Variants in HMBOX1 observed in about 807,000 individuals in gnomAD.
HMBOX1 encodes the protein homeobox-containing protein 1.
A neutral mutation model predicts 54.5 loss-of-function variants in HMBOX1; 14 were observed. The ratio of observed to expected loss-of-function variants is 0.26; its 90% CI spans 0.17 to 0.40. The LOEUF is 0.40. Among genes scored for constraint, HMBOX1 ranks in the 10% least tolerant of loss-of-function variants. The pLI is 1.00. For synonymous variants in HMBOX1, 160 were observed against 181.0 expected (o/e 0.88, Z 0.93); for missense variants, 332 against 514.4 (o/e 0.65, Z 3.43).
chr8:28,958,567 A>G (rs1029867256), intron 1 of HMBOX1, among the ~76,000 whole-genome samples: 9 of 152,164 alleles, frequency 5.9e-5, no homozygotes, highest in Admixed American at 5.9e-4. Context: ...TCCTCTCCGT[A>G]ATCTCTGTAG....
At chr8:28,939,137 A>G (rs1820904906) in intron 1 of HMBOX1, among the ~76,000 whole-genome samples, 1 of 152,090 alleles carries the variant, frequency 6.6e-6, no homozygotes, top group South Asian at 2.1e-4. Flanking sequence ...TAAATACAAA[A>G]AATTAGCTGG....
chr8:28,980,952 C>G (rs944996848), intron 4 of HMBOX1, among the ~76,000 whole-genome samples: 4 of 152,178 alleles, frequency 2.6e-5, no homozygotes, highest in Non-Finnish European at 5.9e-5. Flanking sequence ...CTTTTGTTAA[C>G]ATTCTACTAG....
At chr8:28,998,148 A>G (rs1295903080) in intron 4 of HMBOX1, among the ~76,000 whole-genome samples, 2 of 152,134 alleles carry the variant, frequency 1.3e-5, no homozygotes, top group African/African-American at 4.8e-5. Flanking sequence ...TTTTTCCTAC[A>G]ATTATGTTCG....
chr8:28,955,078 A>T (rs1362599402), intron 1 of HMBOX1, among the ~76,000 whole-genome samples: 2 of 152,158 alleles, frequency 1.3e-5, no homozygotes, highest in Non-Finnish European at 2.9e-5. Flanking sequence ...ATATTTTGAC[A>T]GTTCTAGTCC....
intron 1 of HMBOX1, among the ~76,000 whole-genome samples, chr8:28,956,542 GTTT>G (rs138197505): frequency 2.6e-5 from 4 of 151,858 alleles, no homozygotes; most frequent in African/African-American, 7.2e-5. Context: ...ATGATAACCA[GTTT>G]TTTTATTATA....
rs1361134199 is a variant in HMBOX1, at chr8:29,005,848, G to A, written c.587-3224G>A. Among the ~76,000 whole-genome samples the A allele has an allele frequency of 3.9e-5, 6 of 152,196 alleles. No homozygotes were observed. In the East Asian group the frequency reaches 7.7e-4, roughly 20 times the overall value. On this transcript the variant is annotated intron_variant, in intron 4 of 9. Coordinates refer to ENST00000287701, the MANE Select transcript of HMBOX1 (RefSeq NM_001135726.3). Reference sequence around the variant, plus strand: ...ATAGTTATGTATGGCTTTTGTGTATGTGTGTCTGTGTTATAGGTTTTTCAG... The same window carrying A: ...ATAGTTATGTATGGCTTTTGTGTATATGTGTCTGTGTTATAGGTTTTTCAG...
intron 9 of HMBOX1, chr8:29,050,802 C>CT: frequency 1.9e-6 from 1 of 525,898 alleles, no homozygotes. Flanking sequence ...ATTTTTTGTG[C>CT]TTTTTACTTG....
chr8:28,899,120 G>C (rs999822473), intron 1 of HMBOX1, among the ~76,000 whole-genome samples: 17 of 152,208 alleles, frequency 1.1e-4, no homozygotes, highest in African/African-American at 3.9e-4. Flanking sequence ...AGTCACCTCA[G>C]GCAAACCAGA....
chr8:28,974,898 G>A lies in HMBOX1; in HGVS notation c.500+4379G>A, dbSNP rs914762737. Among the ~76,000 whole-genome samples, 66 of 152,138 alleles carry A rather than the reference G, an allele frequency of 4.3e-4. 1 individual carries two copies. Among genetic ancestry groups the A allele is most frequent in the African/African-American group, 1.3e-3 (54 of 41,428 alleles). ...TAAGAGATCCTAAAGAATGTGCAGT[G>A]TATATTAACTATGAAAATATGGAAG... On this transcript the variant is annotated intron_variant, in intron 3 of 9. Transcript: ENST00000287701.
intron 1 of HMBOX1, among the ~76,000 whole-genome samples, chr8:28,941,156 C>G (rs969494424): frequency 6.6e-6 from 1 of 152,110 alleles, no homozygotes; most frequent in Non-Finnish European, 1.5e-5. Flanking sequence ...TCTATGGTTT[C>G]AGCACAAACT....
At chr8:28,943,473 C>T (rs1821835514) in intron 1 of HMBOX1, among the ~76,000 whole-genome samples, 1 of 152,294 alleles carries the variant, frequency 6.6e-6, no homozygotes, top group Admixed American at 6.5e-5. Flanking sequence ...CTCTCAGGCT[C>T]TGGTGATAAG....
chr8:28,956,867 A>G (rs1824548979), intron 1 of HMBOX1, among the ~76,000 whole-genome samples: 1 of 152,258 alleles, frequency 6.6e-6, no homozygotes, highest in African/African-American at 2.4e-5. Context: ...AAGAAGACTT[A>G]CAAGCAGCCA....
At position 29,018,788 on chromosome 8, in the gene HMBOX1, C is replaced by A; in HGVS notation, c.726C>A (p.Pro242=). ...CTACACTAAGTATGAGACCAGCCCC[C>A]ATTCCAATAGAGGACCCTGAATGGA... is the stretch of plus-strand genomic sequence containing the variant. ...PGATLSMRPA[P]IPIEDPEWRQ... The change falls in exon 6 of 10, where the codon CCC becomes CCA. Residue 242 remains proline, a synonymous_variant. Transcript: ENST00000287701. The A allele has an allele frequency of 6.2e-7, 1 of 1,614,180 alleles. No individual in the cohort carries two copies.
At chr8:29,009,777 C>T in intron 5 of HMBOX1, 1 of 1,273,424 alleles carries the variant, frequency 7.9e-7, no homozygotes, top group Non-Finnish European at 1.0e-6. Context: ...AAATTTATGT[C>T]TAGAGTTGGA....
intron 6 of HMBOX1, among the ~76,000 whole-genome samples, chr8:29,042,444 G>T (rs545114431): frequency 6.6e-6 from 1 of 152,312 alleles, no homozygotes; most frequent in East Asian, 1.9e-4. Flanking sequence ...TGCAAAAAGT[G>T]ACAGTGGTCA....
At chr8:29,022,418 A>G (rs1022558764) in intron 6 of HMBOX1, among the ~76,000 whole-genome samples, 6 of 152,178 alleles carry the variant, frequency 3.9e-5, no homozygotes, top group African/African-American at 1.4e-4. Flanking sequence ...ACCCTATCTC[A>G]AGAAGAAAAA....
At chr8:29,030,963 T>C (rs1029476360) in intron 6 of HMBOX1, among the ~76,000 whole-genome samples, 5 of 152,230 alleles carry the variant, frequency 3.3e-5, no homozygotes, top group African/African-American at 1.2e-4. Context: ...ATTGTTCACC[T>C]ACCTTTTTAT....
chr8:28,970,779 ACTAATCTTCTCTATGACT>A lies in HMBOX1; in HGVS notation c.500+266_500+283del. On this transcript the variant is annotated intron_variant, in intron 3 of 9. Transcript: ENST00000287701. The surrounding 1 kb of genome is among the most constrained non-coding windows in gnomAD (Gnocchi z 4.3). ...GCCTTTTCCATTCTGTTTATCAAAC[ACTAATCTTCTCTATGACT>A]CTAATAGCTAATTTCTGACTAACAG... The A allele has an allele frequency of 2.7e-6, 1 of 365,466 alleles. No homozygotes were observed. The highest frequency in any genetic ancestry group is 4.9e-6 in the Non-Finnish European group (1 of 202,912). The allele number at this position is 365,466 out of a possible 1,614,324, so 22.6% of individuals were successfully genotyped here.
At chr8:28,927,409 A>G (rs1818715143) in intron 1 of HMBOX1, among the ~76,000 whole-genome samples, 2 of 152,330 alleles carry the variant, frequency 1.3e-5, no homozygotes, top group South Asian at 4.1e-4. Flanking sequence ...ATGGTTCTGC[A>G]GGCTATACAA....
Sources: gnomAD v4.1 joint callset for allele counts (sites outside exome capture counted in the v4.1 genomes callset) on GRCh38, gnomAD v4.1.1 for gene constraint, Gnocchi (gnomAD v3.1) non-coding constraint, MANE v1.5 for transcripts, NCBI Gene and HGNC (gene_info 2026-07-23, HGNC 2026-07-21) for gene names.